KCNAB1: variants seen among roughly 807,000 people sequenced by gnomAD.
The protein encoded by KCNAB1 is potassium voltage-gated channel subfamily A regulatory beta subunit 1.
KCNAB1 carries 35 observed loss-of-function variants against 64.6 expected under a neutral mutation model. The ratio of observed to expected loss-of-function variants is 0.54; its 90% CI spans 0.41 to 0.72. The LOEUF (loss-of-function observed/expected upper bound fraction) is 0.72. KCNAB1 is among the 30% of genes least tolerant of loss of function. KCNAB1 has a pLI of 0.00. For synonymous variants in KCNAB1, 177 were observed against 183.8 expected, an observed-to-expected ratio of 0.96 and a Z score of 0.30; for missense variants, 401 against 512.9, an observed-to-expected ratio of 0.78 and a Z score of 2.11.
At chr3:156,390,685 C>A (rs1201549421) in intron 1 of KCNAB1, among the ~76,000 whole-genome samples, 1 of 152,110 alleles carries the variant, frequency 6.6e-6, no homozygotes, top group Non-Finnish European at 1.5e-5. Context: ...TGGGTTCACG[C>A]CATTCTCCTG....
intron 1 of KCNAB1, among the ~76,000 whole-genome samples, chr3:156,243,150 C>T (rs1247139551): frequency 6.6e-6 from 1 of 151,932 alleles, no homozygotes; most frequent in East Asian, 1.9e-4. Flanking sequence ...CATTGTGATC[C>T]ACCCGCCTCG....
At chr3:156,463,233 C>G (rs1318565430) in intron 5 of KCNAB1, among the ~76,000 whole-genome samples, 3 of 152,164 alleles carry the variant, frequency 2.0e-5, no homozygotes, top group Non-Finnish European at 2.9e-5. Context: ...TGGAGTCCTC[C>G]TGGGAGGAGT....
chr3:156,178,548 C>T (rs1226052976), intron 1 of KCNAB1, among the ~76,000 whole-genome samples: 1 of 152,180 alleles, frequency 6.6e-6, no homozygotes, highest in African/African-American at 2.4e-5. Context: ...AGAGTTAATT[C>T]TCTTTGCATT....
At chr3:156,495,558 A>G (rs1230029340) in intron 8 of KCNAB1, among the ~76,000 whole-genome samples, 2 of 152,160 alleles carry the variant, frequency 1.3e-5, no homozygotes, top group Non-Finnish European at 1.5e-5. Flanking sequence ...CTGATTTCTA[A>G]CTTGCTGAAG....
chr3:156,533,555 G>T lies in KCNAB1; in HGVS notation c.1170+2058G>T, dbSNP rs79976241. 4.0e-3 allele frequency among the ~76,000 whole-genome samples: 602 copies of T among 152,314 alleles called. 6 individuals are homozygous for T. The highest frequency in any genetic ancestry group is 0.014 in the African/African-American group (582 of 41,568). ...TTAGAGTTCATGCTACATGTAACAA[G>T]TCCTTGTGGAGGGTTTTAAGAGGAG... On this transcript the variant is annotated intron_variant, in intron 13 of 13. Transcript: ENST00000490337.
chr3:156,202,388 T>C (rs566705658), intron 1 of KCNAB1, among the ~76,000 whole-genome samples: 8 of 152,330 alleles, frequency 5.3e-5, no homozygotes, highest in Non-Finnish European at 1.0e-4. Flanking sequence ...TGTTCTCGGC[T>C]TCCTCCTCCT....
intron 1 of KCNAB1, among the ~76,000 whole-genome samples, chr3:156,350,705 T>C (rs1724801510): frequency 6.6e-6 from 1 of 152,242 alleles, no homozygotes; most frequent in Admixed American, 6.5e-5. Context: ...AAATAAAGCA[T>C]TTCAGAAGTT....
chr3:156,143,577 T>G (rs9823207), intron 1 of KCNAB1, among the ~76,000 whole-genome samples: 246 of 22,628 alleles, frequency 0.011, 18 homozygotes, highest in Non-Finnish European at 0.013. Flanking sequence ...TTGTTTTTTT[T>G]TTTTTTTTTT....
chr3:156,531,978 C>G (rs1718729444), intron 13 of KCNAB1, among the ~76,000 whole-genome samples: 1 of 147,348 alleles, frequency 6.8e-6, no homozygotes. Flanking sequence ...GGACTGCAAG[C>G]CCTCTGAGGT....
chr3:156,398,971 G>A (rs999082214), intron 1 of KCNAB1, among the ~76,000 whole-genome samples: 1 of 152,146 alleles, frequency 6.6e-6, no homozygotes, highest in African/African-American at 2.4e-5. Flanking sequence ...CCACCCAGAT[G>A]TGTTCTCTCA....
At chr3:156,491,186 A>T (rs776709722) in intron 8 of KCNAB1, among the ~76,000 whole-genome samples, 1 of 152,134 alleles carries the variant, frequency 6.6e-6, no homozygotes, top group African/African-American at 2.4e-5. Flanking sequence ...AAAGCCACAA[A>T]GTGGAAGCCA....
chr3:156,414,198 GT>G (rs1240981772), intron 1 of KCNAB1, among the ~76,000 whole-genome samples: 1 of 151,852 alleles, frequency 6.6e-6, no homozygotes, highest in African/African-American at 2.4e-5. Flanking sequence ...TTTTGTTTTT[GT>G]TTTTTTGCCT....
At chr3:156,425,913 G>T (rs1254424627) in intron 2 of KCNAB1, among the ~76,000 whole-genome samples, 1 of 152,198 alleles carries the variant, frequency 6.6e-6, no homozygotes, top group Non-Finnish European at 1.5e-5. Flanking sequence ...CTTGAAGAGA[G>T]AAGTCAAGTG....
At chr3:156,224,416 G>A (rs1440328863) in intron 1 of KCNAB1, among the ~76,000 whole-genome samples, 1 of 152,276 alleles carries the variant, frequency 6.6e-6, no homozygotes, top group Non-Finnish European at 1.5e-5. Flanking sequence ...CACGGCCAGA[G>A]TGGGCGCCAA....
chr3:156,485,258 CTTTT>C (rs952447661), intron 8 of KCNAB1, among the ~76,000 whole-genome samples: 3 of 152,074 alleles, frequency 2.0e-5, no homozygotes, highest in Non-Finnish European at 4.4e-5. Flanking sequence ...CTTCCCCCAA[CTTTT>C]TATTTTGAGA....
At position 156,255,169 on chromosome 3, in the gene KCNAB1, C is replaced by T. The variant is rs578234999; in HGVS notation, c.275+134283C>T. Among the ~76,000 whole-genome samples the T allele has an allele frequency of 5.3e-5, 8 of 152,272 alleles. No homozygotes were observed. The South Asian group carries it at 1.0e-3, about 20-fold the overall frequency. ...TATAGGCTACTTTGTTCCAACAAACCGCTTTCATTCTAGCTCCTTCATCTG... is the reference window on the plus strand; with the variant it reads ...TATAGGCTACTTTGTTCCAACAAACTGCTTTCATTCTAGCTCCTTCATCTG... On this transcript the variant is annotated intron_variant, in intron 1 of 13. Coordinates refer to ENST00000490337, the MANE Select transcript of KCNAB1 (RefSeq NM_172160.3).
chr3:156,516,171 A>G lies in KCNAB1; in HGVS notation c.866-99A>G. ...TCATTTATCTGGCCAGCTTTTCCCT[A>G]TAACCTACCAAATTCTGTTTAAACA... On this transcript the variant is annotated intron_variant, in intron 10 of 13. Transcript: ENST00000490337. 3 of 789,440 alleles carry G rather than the reference A, an allele frequency of 3.8e-6. No individual in the cohort carries two copies. In the South Asian group the frequency reaches 4.5e-5, roughly 12 times the overall value. 48.9% of individuals were successfully genotyped at this position (789,440 alleles called of 1,614,324 possible).
At position 156,388,860 on chromosome 3, in the gene KCNAB1, A is replaced by C. The variant is rs139437156; in HGVS notation, c.276-32756A>C. 1.9e-4 allele frequency among the ~76,000 whole-genome samples: 29 copies of C among 152,108 alleles called. No individual in the cohort carries two copies. In the East Asian group the frequency reaches 5.2e-3, roughly 27 times the overall value. On this transcript the variant is annotated intron_variant, in intron 1 of 13. Transcript: ENST00000490337. ...TAGTATCCAAGCTCTTTGCACACCA[A>C]CCTCCAGCTTTGACAAGTCTGTCCT...
At chr3:156,151,910 A>G (rs1577644467) in intron 1 of KCNAB1, among the ~76,000 whole-genome samples, 1 of 152,212 alleles carries the variant, frequency 6.6e-6, no homozygotes, top group Admixed American at 6.5e-5. Context: ...GTCTCCTTCA[A>G]TCTGGAACAG....
Sources: gnomAD v4.1 joint callset for allele counts (sites outside exome capture counted in the v4.1 genomes callset) on GRCh38, gnomAD v4.1.1 for gene constraint, MANE v1.5 for transcripts, NCBI Gene and HGNC (gene_info 2026-07-23, HGNC 2026-07-21) for gene names.